Variants in DSG2 observed in about 807,000 individuals in gnomAD.
DSG2 encodes desmoglein-2.
Under a neutral mutation model 75.6 loss-of-function variants are expected in DSG2, and 45 were observed. The ratio of observed to expected loss-of-function variants is 0.60; its 90% confidence interval spans 0.47 to 0.76. The LOEUF is 0.76. Ranked by LOEUF, DSG2 falls within the 30% of genes least tolerant of loss-of-function variation. The probability of loss-of-function intolerance (pLI) is 0.00; values close to 1 mark genes in which losing one functional copy is unlikely to be tolerated. For synonymous variants in DSG2, 429 were observed against 483.9 expected, an observed-to-expected ratio of 0.89 and a Z score of 1.49; for missense variants, 1,267 against 1,357.4, an observed-to-expected ratio of 0.93 and a Z score of 1.05.
In DSG2 at chr18:31,535,414, TA is replaced by T; in HGVS notation, c.1423+4del. 6.2e-7 allele frequency: 1 copy of T among 1,601,026 alleles called. No homozygotes were observed. The highest frequency in any genetic ancestry group is 8.6e-7 in the Non-Finnish European group (1 of 1,169,150). On this transcript the variant is annotated splice_donor_region_variant and intron_variant, in intron 10 of 14. Transcript: ENST00000261590. ...TAAAGATTGTGGCCATATCAGAAGG[TA>T]AGTTATTAAATAGATCTTTTTCTTG...
chr18:31,539,293 T>C (rs553999985), intron 12 of DSG2, among the ~76,000 whole-genome samples: 1 of 152,348 alleles, frequency 6.6e-6, no homozygotes, highest in South Asian at 2.1e-4. Context: ...TTCACTGCTG[T>C]ATTCCCAGTG....
At chr18:31,506,029 C>T (rs1258945144) in intron 1 of DSG2, among the ~76,000 whole-genome samples, 1 of 152,176 alleles carries the variant, frequency 6.6e-6, no homozygotes, top group Admixed American at 6.5e-5. Flanking sequence ...CAACAGTCTT[C>T]TAAGGACATG....
chr18:31,516,375 G>A (rs72938889), intron 1 of DSG2, among the ~76,000 whole-genome samples: 3,029 of 152,226 alleles, frequency 0.02, 35 homozygotes, highest in Middle Eastern at 0.075. Context: ...AGGAGAGGAT[G>A]ACTGAAGATA....
chr18:31,520,755 A>G, intron 3 of DSG2, 48 bp from the exon 4 acceptor site: 3 of 1,594,230 alleles, frequency 1.9e-6, no homozygotes, highest in Middle Eastern at 1.9e-4. Flanking sequence ...CAAATCTAGT[A>G]AATTACAGAG....
At chr18:31,529,818 CT>C (rs1359747198) in intron 8 of DSG2, among the ~76,000 whole-genome samples, 1 of 152,082 alleles carries the variant, frequency 6.6e-6, no homozygotes, top group Non-Finnish European at 1.5e-5. Flanking sequence ...CCTAAGTAAA[CT>C]TTAGGTAGTT....
chr18:31,524,632 G>T (rs1260162415), intron 7 of DSG2, 47 bp downstream of exon 7: 13 of 1,601,700 alleles, frequency 8.1e-6, no homozygotes, highest in Non-Finnish European at 1.0e-5. Flanking sequence ...TTATATTTCA[G>T]TCCTAATTAA....
At chr18:31,536,014 A>G (rs2073227830) in intron 10 of DSG2, among the ~76,000 whole-genome samples, 188 bp from the exon 11 acceptor site, 2 of 152,208 alleles carry the variant, frequency 1.3e-5, no homozygotes, top group African/African-American at 2.4e-5. Context: ...CAGTAGATAA[A>G]TCTCACATTT....
At chr18:31,536,159 A>C (rs776717624) in intron 10 of DSG2, 43 bp from the exon 11 acceptor site, 2 of 1,578,990 alleles carry the variant, frequency 1.3e-6, no homozygotes, top group Non-Finnish European at 1.7e-6. Flanking sequence ...TGTTGTCAGC[A>C]ATAGGAACAG....
At chr18:31,539,610 G>A (rs2073254161) in intron 12 of DSG2, among the ~76,000 whole-genome samples, 1 of 152,226 alleles carries the variant, frequency 6.6e-6, no homozygotes, top group Non-Finnish European at 1.5e-5. Flanking sequence ...ACAAGGGACT[G>A]CATCCTGAGG....
chr18:31,527,666 T>A (rs1442728662), intron 8 of DSG2, among the ~76,000 whole-genome samples: 1 of 152,092 alleles, frequency 6.6e-6, no homozygotes, highest in Non-Finnish European at 1.5e-5. Context: ...TTAGGGAAAA[T>A]CAAATTAAAA....
Position 31,538,874 on chromosome 18 carries a change from A to T in DSG2, c.1775A>T (p.Glu592Val). The T allele has an allele frequency of 6.2e-7, 1 of 1,614,154 alleles. No individual in the cohort carries two copies. Residue 592 changes from glutamate to valine, a missense_variant, in exon 12 of 15, where the codon GAG (glutamate) becomes GTG (valine). Coordinates refer to ENST00000261590, the MANE Select transcript of DSG2 (RefSeq NM_001943.5). ...CAGGTCCTTACACTCACAGTTTGTG[A>T]GTGTCTGCATGGCAGCGGCTGCAGG... is the stretch of plus-strand genomic sequence containing the variant. The part of the protein sequence containing the change: ...EKQVLTLTVC[E>V]CLHGSGCREA...
At chr18:31,499,243 TCA>T (rs1047259317) in intron 1 of DSG2, among the ~76,000 whole-genome samples, 1 of 152,216 alleles carries the variant, frequency 6.6e-6, no homozygotes, top group Non-Finnish European at 1.5e-5. Context: ...AAAATCATAC[TCA>T]GTTTTCTTAC....
At chr18:31,504,725 C>T (rs1373404352) in intron 1 of DSG2, among the ~76,000 whole-genome samples, 1 of 152,178 alleles carries the variant, frequency 6.6e-6, no homozygotes, top group African/African-American at 2.4e-5. Flanking sequence ...AGCCGCACTG[C>T]CCTGCTCTCT....
chr18:31,537,349 G>A (rs1280581451), intron 11 of DSG2, among the ~76,000 whole-genome samples: 1 of 152,212 alleles, frequency 6.6e-6, no homozygotes, highest in Non-Finnish European at 1.5e-5. Flanking sequence ...GCCAGGTGCG[G>A]TGGCTCACGC....
chr18:31,525,676 G>C (rs543702177), intron 8 of DSG2, among the ~76,000 whole-genome samples: 9 of 152,284 alleles, frequency 5.9e-5, no homozygotes, highest in African/African-American at 1.7e-4. Flanking sequence ...TCAACAAAAA[G>C]TTTCATTGGG....
rs746180213 is a variant in DSG2, at chr18:31,531,246, A to C, written c.1274A>C (p.His425Pro). Reference protein sequence around the residue: ...AFDEDTGLPAHARYVKLEDRD... With the variant: ...AFDEDTGLPAPARYVKLEDRD... The stretch of plus-strand genomic sequence containing the variant: ...GATGAGGACACTGGACTACCAGCCC[A>C]TGCAAGGTAAGAGAGAGTGACACGT... Residue 425 changes from histidine (H) to proline (P), a missense_variant, in exon 9 of 15, where the codon CAT becomes CCT. Physicochemically the swap from His to Pro is moderately conservative, Grantham distance 77. Transcript: ENST00000261590. 3.7e-6 allele frequency: 6 copies of C among 1,614,184 alleles called. No individual in the cohort carries two copies. Among genetic ancestry groups the C allele is most frequent in the Non-Finnish European group, 5.1e-6 (6 of 1,179,996 alleles).
At chr18:31,499,381 T>C (rs572745123) in intron 1 of DSG2, among the ~76,000 whole-genome samples, 1 of 152,130 alleles carries the variant, frequency 6.6e-6, no homozygotes, top group East Asian at 1.9e-4. Context: ...TGTGTGTGTG[T>C]GTGTGTCTCA....
rs397516711 is a variant in DSG2, at chr18:31,519,805, C to A, written c.84C>A (p.Val28=). 6.2e-7 allele frequency: 1 copy of A among 1,614,066 alleles called. No homozygotes were observed. The highest frequency in any genetic ancestry group is 1.1e-5 in the South Asian group (1 of 91,068). ...TTGGCAATATTCTATTGTTATAGGT[C>A]TTAAGCACAAGAAATGAAAATAAGC... The part of the protein sequence containing the change: ...FNVGSGLHLQ[V]LSTRNENKLL... Residue 28 remains valine (V), a splice_region_variant and synonymous_variant, in exon 3 of 15, where the codon GTC becomes GTA. Transcript: ENST00000261590.
At chr18:31,531,333 C>T (rs2073197706) in intron 9 of DSG2, 81 bp downstream of exon 9, 1 of 1,483,880 alleles carries the variant, frequency 6.7e-7, no homozygotes, top group Admixed American at 1.8e-5. Context: ...CAAATCTGAA[C>T]ACTTCATTCC....
Sources: allele counts gnomAD v4.1 joint callset (sites outside exome capture counted in the v4.1 genomes callset), GRCh38; gene constraint gnomAD v4.1.1; transcripts MANE v1.5; gene names NCBI Gene and HGNC (gene_info 2026-07-23, HGNC 2026-07-21).